Variants in ANKRD44 observed in about 807,000 individuals in gnomAD.
The protein encoded by ANKRD44 is ankyrin repeat domain 44.
ANKRD44 carries 35 observed loss-of-function variants against 116.0 expected under a neutral mutation model. That is an observed-to-expected ratio of 0.30 (90% CI 0.23 to 0.40). The LOEUF (loss-of-function observed/expected upper bound fraction) is 0.40, where lower values mean the gene tolerates loss of function less well. Ranked by LOEUF, ANKRD44 falls within the 10% of genes least tolerant of loss-of-function variation. The probability of loss-of-function intolerance (pLI) is 1.00; values close to 1 mark genes in which losing one functional copy is unlikely to be tolerated. For missense variants in ANKRD44, 1,014 were observed against 1,242.6 expected, an observed-to-expected ratio of 0.82 and a Z score of 2.77; for synonymous variants, 435 against 461.8, an observed-to-expected ratio of 0.94 and a Z score of 0.74.
chr2:197,165,437 G>C (rs2080081334), intron 2 of ANKRD44, among the ~76,000 whole-genome samples: 1 of 152,170 alleles, frequency 6.6e-6, no homozygotes, highest in African/African-American at 2.4e-5. Flanking sequence ...GTAATTTCTG[G>C]GGTGACAGAA....
intron 1 of ANKRD44, among the ~76,000 whole-genome samples, chr2:197,301,735 T>C (rs2083912941): frequency 1.3e-5 from 2 of 152,222 alleles, no homozygotes. Context: ...TTAACAAATA[T>C]TTATTGAGCA....
chr2:197,158,926 C>T (rs1331157493), intron 2 of ANKRD44, among the ~76,000 whole-genome samples: 2 of 152,000 alleles, frequency 1.3e-5, no homozygotes, highest in Non-Finnish European at 2.9e-5. Context: ...AGGCAGGGGA[C>T]ATTCTATTAC....
chr2:197,110,581 A>C (rs1295896201), intron 9 of ANKRD44, among the ~76,000 whole-genome samples, 185 bp downstream of exon 9: 2 of 152,150 alleles, frequency 1.3e-5, no homozygotes, highest in African/African-American at 4.8e-5. Context: ...TGTTTTTACT[A>C]TTAAGGTGGA....
chr2:197,276,926 A>ATTTT (rs371691153), intron 1 of ANKRD44, among the ~76,000 whole-genome samples: 1 of 136,010 alleles, frequency 7.4e-6, no homozygotes, highest in African/African-American at 2.7e-5. Context: ...GAACCCAGGA[A>ATTTT]TTTTTTTTTT....
At chr2:197,252,206 T>C (rs2082331863) in intron 1 of ANKRD44, among the ~76,000 whole-genome samples, 1 of 152,088 alleles carries the variant, frequency 6.6e-6, no homozygotes, top group Non-Finnish European at 1.5e-5. Context: ...AGAACAGGCA[T>C]TGGTATACAA....
chr2:196,987,145 C>T lies in ANKRD44; in HGVS notation c.*2446G>A, dbSNP rs1472711730. The T allele has an allele frequency of 2.0e-6, 2 of 985,024 alleles. No individual in the cohort carries two copies. Among genetic ancestry groups the T allele is most frequent in the East Asian group, 2.3e-4 (2 of 8,824 alleles). The allele number at this position is 985,024 out of a possible 1,614,324, so 61.0% of individuals were successfully genotyped here. On this transcript the variant is annotated 3_prime_UTR_variant, in exon 28 of 28. Coordinates refer to ENST00000282272, the MANE Select transcript of ANKRD44 (RefSeq NM_001195144.2). ...ATACAAACACTCAGATTGTCACTAT[C>T]TTAAAATGCTTTTCCCCTATAATAC... is the stretch of plus-strand genomic sequence containing the variant.
At chr2:197,090,061 C>A (rs746831125) in intron 10 of ANKRD44, 29 bp from the exon 11 acceptor site, 1 of 1,540,926 alleles carries the variant, frequency 6.5e-7, no homozygotes, top group Non-Finnish European at 9.0e-7. Flanking sequence ...GAGCAACTCA[C>A]GGCAACAGAT....
intron 1 of ANKRD44, among the ~76,000 whole-genome samples, chr2:197,209,924 G>A (rs1462455598): frequency 6.6e-6 from 1 of 152,124 alleles, no homozygotes; most frequent in Non-Finnish European, 1.5e-5. Context: ...AGGGCTGCTG[G>A]GGACTGGGTA....
Position 196,988,253 on chromosome 2 carries a change from C to G in ANKRD44, c.*1338G>C, listed in dbSNP as rs2075861849. 1.0e-6 allele frequency: 1 copy of G among 985,314 alleles called. No individual in the cohort carries two copies. The highest frequency in any genetic ancestry group is 4.7e-5 in the South Asian group (1 of 21,290). The allele number at this position is 985,314 out of a possible 1,614,324, so 61.0% of individuals were successfully genotyped here. A position where few individuals can be genotyped will look rare whatever the true frequency, so the allele number is the denominator to read the frequency against. ...AACTGAGCAAGATTTCCATTCACTT[C>G]TAGAAAAAGACACCGCAGCATATTG... On this transcript the variant is annotated 3_prime_UTR_variant, in exon 28 of 28. Coordinates refer to ENST00000282272, the MANE Select transcript of ANKRD44 (RefSeq NM_001195144.2).
chr2:196,983,423 A>G (rs1043300228), downstream of ANKRD44, among the ~76,000 whole-genome samples: 9 of 152,168 alleles, frequency 5.9e-5, no homozygotes, highest in Non-Finnish European at 1.2e-4. Context: ...TAACAAACTC[A>G]TTCCTGCCTT....
rs184576780 is a variant in ANKRD44 at position 197,015,209 on chromosome 2, A to G, written c.1723-1497T>C. On this transcript the variant is annotated intron_variant, in intron 17 of 27. Coordinates refer to ENST00000282272, the MANE Select transcript of ANKRD44 (RefSeq NM_001195144.2). The stretch of plus-strand genomic sequence containing the variant: ...TGATGAGCATGTAGAGGAACCAGAG[A>G]GCTGTTTCTAGGGAAGATTCTGCAA... 572 of 311,574 alleles carry G rather than the reference A, an allele frequency of 1.8e-3. 4 individuals are homozygous for G. Among genetic ancestry groups the G allele is most frequent in the African/African-American group, 0.012 (519 of 44,792 alleles). 19.3% of individuals were successfully genotyped at this position (311,574 alleles called of 1,614,324 possible). A position where few individuals can be genotyped will look rare whatever the true frequency, so the allele number is the denominator to read the frequency against.
At chr2:197,216,548 G>A (rs533358161) in intron 1 of ANKRD44, among the ~76,000 whole-genome samples, 1 of 152,264 alleles carries the variant, frequency 6.6e-6, no homozygotes, top group East Asian at 1.9e-4. Flanking sequence ...GCAGGGCTGG[G>A]TGCATTATCC....
intron 16 of ANKRD44, among the ~76,000 whole-genome samples, chr2:197,069,990 A>G (rs987920551): frequency 5.3e-5 from 8 of 151,890 alleles, no homozygotes; most frequent in African/African-American, 1.7e-4. Context: ...ATTGACAGCA[A>G]TTTTTTGGGG....
At chr2:197,302,209 C>T (rs1011051430) in intron 1 of ANKRD44, 2 of 152,418 alleles carry the variant, frequency 1.3e-5, no homozygotes, top group African/African-American at 4.8e-5. Flanking sequence ...GTGCAGAGGT[C>T]ACTCTAATGA....
intron 10 of ANKRD44, among the ~76,000 whole-genome samples, chr2:197,098,191 A>G (rs1048598187): frequency 6.6e-6 from 1 of 152,168 alleles, no homozygotes; most frequent in African/African-American, 2.4e-5. Context: ...AACAAATTTC[A>G]CAATACTCAG....
chr2:197,225,632 C>T (rs746493156), intron 1 of ANKRD44, among the ~76,000 whole-genome samples: 28 of 152,224 alleles, frequency 1.8e-4, no homozygotes, highest in Non-Finnish European at 3.2e-4. Context: ...GCGTGAGCCA[C>T]CACGCCTGGC....
At chr2:197,217,643 C>G (rs1168582118) in intron 1 of ANKRD44, among the ~76,000 whole-genome samples, 1 of 152,164 alleles carries the variant, frequency 6.6e-6, no homozygotes, top group Non-Finnish European at 1.5e-5. Context: ...GACTTTCCCC[C>G]TTTTGTGCAG....
chr2:197,207,716 T>C (rs896370698), intron 1 of ANKRD44, among the ~76,000 whole-genome samples: 3 of 152,104 alleles, frequency 2.0e-5, no homozygotes, highest in Admixed American at 6.5e-5. Flanking sequence ...ACACCCCAGA[T>C]TGGTAGCACT....
Position 197,201,657 on chromosome 2 carries a change from T to G in ANKRD44, c.28-14551A>C, listed in dbSNP as rs2081094532. 6.6e-6 allele frequency among the ~76,000 whole-genome samples: 1 copy of G among 152,174 alleles called. No homozygotes were observed. Among genetic ancestry groups the G allele is most frequent in the Admixed American group, 6.5e-5 (1 of 15,278 alleles). On this transcript the variant is annotated intron_variant, in intron 1 of 27. Coordinates refer to ENST00000282272, the MANE Select transcript of ANKRD44 (RefSeq NM_001195144.2). This position sits in a 1 kb window ranked among gnomAD's most constrained non-coding sequence, Gnocchi z 4.0. Reference sequence around the variant, plus strand: ...TATGTCAAAACTCAGAGCTGTTGTTTTTATATTTTGTTTTTGTGTTTTGTG... The same window carrying G: ...TATGTCAAAACTCAGAGCTGTTGTTGTTATATTTTGTTTTTGTGTTTTGTG...
Sources: gnomAD v4.1 joint callset for allele counts (sites outside exome capture counted in the v4.1 genomes callset) on GRCh38, gnomAD v4.1.1 for gene constraint, Gnocchi (gnomAD v3.1) non-coding constraint, MANE v1.5 for transcripts, NCBI Gene and HGNC (gene_info 2026-07-23, HGNC 2026-07-21) for gene names.